MYO1F: variants seen among roughly 807,000 people sequenced by gnomAD.
MYO1F encodes myosin IF, also known as unconventional myosin-If.
A neutral mutation model predicts 146.6 loss-of-function variants in MYO1F; 60 were observed. The observed-to-expected ratio is 0.41, with a 90% CI of 0.33 to 0.51. MYO1F has a LOEUF of 0.51. Ranked by LOEUF, MYO1F falls within the 20% of genes least tolerant of loss-of-function variation. MYO1F has a pLI of 0.25. For synonymous variants in MYO1F, 602 were observed against 602.1 expected, an observed-to-expected ratio of 1.00 and a Z score of 0.00; for missense variants, 1,274 against 1,534.3, an observed-to-expected ratio of 0.83 and a Z score of 2.83.
Position 8,523,235 on chromosome 19 carries a change from A to G in MYO1F, c.2855-406T>C, listed in dbSNP as rs10408572. Among the ~76,000 whole-genome samples the G allele has an allele frequency of 4.2e-3, 638 of 152,030 alleles. 2 individuals carry two copies. Among genetic ancestry groups the G allele is most frequent in the African/African-American group, 9.8e-3 (408 of 41,460 alleles). On this transcript the variant is annotated intron_variant, in intron 25 of 27. Transcript: ENST00000644032. ...TTTTTAGTAGAGACGGAGTTTCATCATGTTAGCCAGGATGGTCTCGATCTC... is the reference window on the plus strand; with the variant it reads ...TTTTTAGTAGAGACGGAGTTTCATCGTGTTAGCCAGGATGGTCTCGATCTC...
In MYO1F at chr19:8,536,378, G is replaced by C. The variant is rs771930639; in HGVS notation, c.1917C>G (p.Pro639=). The part of the protein sequence containing the change: ...KFLQRYAILT[P]ETWPRWRGDE... ...CCCCACGCCACCGCGGCCACGTCTC[G>C]GGGGTCAGAATGGCATACCTGAGGG... The change falls in exon 19 of 28, where the codon CCC becomes CCG. Residue 639 remains proline (P), a synonymous_variant. Coordinates refer to ENST00000644032, the MANE Select transcript of MYO1F (RefSeq NM_012335.4). 9 of 1,606,114 alleles carry C rather than the reference G, an allele frequency of 5.6e-6. No homozygotes were observed. The East Asian group carries it at 1.8e-4, about 32-fold the overall frequency.
At chr19:8,560,123 C>T (rs935225117) in intron 1 of MYO1F, among the ~76,000 whole-genome samples, 26 of 151,852 alleles carry the variant, frequency 1.7e-4, no homozygotes, top group Non-Finnish European at 1.9e-4. Context: ...CTTAAGGACA[C>T]GGGACTAAAG....
intron 25 of MYO1F, among the ~76,000 whole-genome samples, chr19:8,523,318 C>A (rs536075201): frequency 1.3e-5 from 2 of 152,104 alleles, no homozygotes; most frequent in African/African-American, 4.8e-5. Flanking sequence ...CAGGCATGAG[C>A]CACCGCGCCT....
intron 19 of MYO1F, among the ~76,000 whole-genome samples, chr19:8,533,911 G>A (rs1033992601): frequency 6.6e-6 from 1 of 152,116 alleles, no homozygotes; most frequent in Admixed American, 6.6e-5. Flanking sequence ...GGGGCCGGGC[G>A]CGGTGGCTCA....
chr19:8,543,994 TGCTGGTGGTGGC>T (rs1973204949), intron 14 of MYO1F: 2 of 199,370 alleles, frequency 1.0e-5, no homozygotes, highest in Admixed American at 1.5e-4. Context: ...CTGGTGGTGG[TGCTGGTGGTGGC>T]GGTGGCGGTG....
intron 23 of MYO1F, 38 bp from the exon 24 acceptor site, chr19:8,526,639 G>A (rs1168924244): frequency 1.3e-6 from 2 of 1,565,348 alleles, no homozygotes; most frequent in Admixed American, 1.9e-5. Context: ...CGCTGGCTGA[G>A]GTCCCCCGCC....
intron 1 of MYO1F, among the ~76,000 whole-genome samples, chr19:8,575,935 AC>A (rs2042231975): frequency 2.0e-5 from 3 of 152,224 alleles, no homozygotes; most frequent in Admixed American, 2.0e-4. Context: ...AAGAATTCCC[AC>A]CCCAACAGTC....
At chr19:8,529,087 T>C (rs986278688) in intron 21 of MYO1F, among the ~76,000 whole-genome samples, 1 of 151,856 alleles carries the variant, frequency 6.6e-6, no homozygotes, top group African/African-American at 2.4e-5. Flanking sequence ...GTGTGTCTGG[T>C]ATGTGAAGTT....
At chr19:8,564,269 T>C (rs1459465584) in intron 1 of MYO1F, among the ~76,000 whole-genome samples, 1 of 152,026 alleles carries the variant, frequency 6.6e-6, no homozygotes, top group African/African-American at 2.4e-5. Flanking sequence ...TAATCCCAGC[T>C]ACTTGGGAGG....
At chr19:8,527,824 G>A (rs997471586) in intron 21 of MYO1F, among the ~76,000 whole-genome samples, 1 of 152,140 alleles carries the variant, frequency 6.6e-6, no homozygotes, top group Non-Finnish European at 1.5e-5. Context: ...TGTTGCCCAG[G>A]CTGGTCTTGA....
intron 1 of MYO1F, among the ~76,000 whole-genome samples, chr19:8,576,038 C>A (rs1034135457): frequency 3.3e-5 from 5 of 152,176 alleles, no homozygotes; most frequent in African/African-American, 9.7e-5. Context: ...GCTCTGTCAC[C>A]CAGGCTGGAG....
intron 6 of MYO1F, among the ~76,000 whole-genome samples, chr19:8,552,487 G>C (rs1287806797): frequency 6.6e-6 from 1 of 151,966 alleles, no homozygotes; most frequent in Non-Finnish European, 1.5e-5. Flanking sequence ...GGCTGGTCTT[G>C]AACTCCAGAC....
intron 14 of MYO1F, chr19:8,543,963 G>GTGGTGGTGCTGGTGCTGGTGC (rs1568349928): frequency 2.2e-5 from 7 of 312,662 alleles, no homozygotes; most frequent in Non-Finnish European, 4.1e-5. Flanking sequence ...GGTGGTGGTG[G>GTGGTGGTGCTGGTGCTGGTGC]TGGTGGTGCT....
At position 8,521,170 on chromosome 19, in the gene MYO1F, T is replaced by C. The variant is rs1188687412; in HGVS notation, c.*358A>G. On this transcript the variant is annotated 3_prime_UTR_variant, in exon 28 of 28. Transcript: ENST00000644032. ...GACAGAATGAGCAAAGTCACGCTTGTTAAGGACCCCCCCCTCCCCAACTGT... is the reference window on the plus strand; with the variant it reads ...GACAGAATGAGCAAAGTCACGCTTGCTAAGGACCCCCCCCTCCCCAACTGT... 5.4e-6 allele frequency: 2 copies of C among 368,786 alleles called. No homozygotes were observed. Among genetic ancestry groups the C allele is most frequent in the Non-Finnish European group, 1.0e-5 (2 of 191,538 alleles). 22.8% of individuals were successfully genotyped at this position (368,786 alleles called of 1,614,324 possible). A position where few individuals can be genotyped will look rare whatever the true frequency, so the allele number is the denominator to read the frequency against.
rs1973070886 is a variant in MYO1F at position 8,543,557 on chromosome 19, C to A, written c.1524+740G>T. On this transcript the variant is annotated intron_variant, in intron 14 of 27. Transcript: ENST00000644032. The stretch of plus-strand genomic sequence containing the variant: ...TTAATCGGGGGGAATTCTGTTCCCT[C>A]TGTTAGGGGAGTTGATGTGTAAGGG... Among the ~76,000 whole-genome samples the A allele has an allele frequency of 2.0e-5, 3 of 151,946 alleles. No homozygotes were observed. In the South Asian group the frequency reaches 6.2e-4, roughly 32 times the overall value.
chr19:8,524,926 G>T (rs1043709125), intron 25 of MYO1F, among the ~76,000 whole-genome samples: 1 of 152,144 alleles, frequency 6.6e-6, no homozygotes, highest in Admixed American at 6.6e-5. Flanking sequence ...GCCAGGCGCC[G>T]TAGCTCATGC....
Position 8,527,331 on chromosome 19 carries a change from G to A in MYO1F, c.2474+7C>T. ...TGACTGTGCGGCAGGTAAGGACCTG[G>A]CTTCACCTGAGGGAGACTCCCCGCA... On this transcript the variant is annotated splice_region_variant and intron_variant, in intron 22 of 27. Transcript: ENST00000644032. 2 of 1,613,958 alleles carry A rather than the reference G, an allele frequency of 1.2e-6. No individual in the cohort carries two copies. Among genetic ancestry groups the A allele is most frequent in the South Asian group, 2.2e-5 (2 of 91,074 alleles).
intron 1 of MYO1F, among the ~76,000 whole-genome samples, chr19:8,575,718 AT>A (rs1316583358): frequency 1.4e-5 from 2 of 145,870 alleles, no homozygotes; most frequent in Non-Finnish European, 3.1e-5. Context: ...GGTGGGTGTC[AT>A]TTTTTTCTCT....
intron 24 of MYO1F, 54 bp downstream of exon 24, chr19:8,526,399 C>G: frequency 1.3e-6 from 2 of 1,544,946 alleles, no homozygotes; most frequent in Non-Finnish European, 1.7e-6. Flanking sequence ...TTCGTCCACT[C>G]TTAACCAGCC....
Sources: gnomAD v4.1 joint callset for allele counts (sites outside exome capture counted in the v4.1 genomes callset) on GRCh38, gnomAD v4.1.1 for gene constraint, MANE v1.5 for transcripts, NCBI Gene and HGNC (gene_info 2026-07-23, HGNC 2026-07-21) for gene names.